The following LCP1 variants were observed in gnomAD, a reference collection of about 807,000 sequenced individuals.
LCP1 encodes lymphocyte cytosolic protein 1.
In LCP1, 23 loss-of-function variants were observed where a neutral mutation model predicts 72.0. The ratio of observed to expected loss-of-function variants is 0.32; its 90% CI spans 0.23 to 0.45. LCP1 has a LOEUF of 0.45. Ranked by LOEUF, LCP1 falls within the 20% of genes least tolerant of loss-of-function variation. LCP1 has a pLI of 1.00. For missense variants in LCP1, 571 were observed against 748.3 expected (o/e 0.76, Z 2.76); for synonymous variants, 245 against 275.4 (o/e 0.89, Z 1.09).
At chr13:46,171,216 TG>T (rs1201043799) in intron 1 of LCP1, among the ~76,000 whole-genome samples, 1 of 152,240 alleles carries the variant, frequency 6.6e-6, no homozygotes, top group East Asian at 1.9e-4. Flanking sequence ...TTGAGGAAAC[TG>T]AGGTTTAAAT....
At chr13:46,133,745 GGGA>G (rs1783395809) in intron 14 of LCP1, among the ~76,000 whole-genome samples, 2 of 151,840 alleles carry the variant, frequency 1.3e-5, no homozygotes, top group South Asian at 2.1e-4. Flanking sequence ...TGGGGAGGGA[GGGA>G]GGAGGACAAG....
rs143934858 is a variant in LCP1, at chr13:46,150,903, CAG to C, written c.882+31_882+32del. 466 of 1,603,388 alleles carry C rather than the reference CAG, an allele frequency of 2.9e-4. No homozygotes were observed. In the African/African-American group the frequency reaches 5.6e-3, roughly 19 times the overall value. On this transcript the variant is annotated intron_variant, in intron 8 of 15. Coordinates refer to ENST00000323076, the MANE Select transcript of LCP1 (RefSeq NM_002298.5). Reference sequence around the variant, plus strand: ...TTGCCCAAATTCCCCTTCACTCCTGCAGAGAGTCATGTTCAAACAACGCTCCT... The same window carrying C: ...TTGCCCAAATTCCCCTTCACTCCTGCAGAGTCATGTTCAAACAACGCTCCT...
At chr13:46,163,183 T>C (rs2045855175) in intron 1 of LCP1, among the ~76,000 whole-genome samples, 2 of 152,256 alleles carry the variant, frequency 1.3e-5, no homozygotes, top group Non-Finnish European at 1.5e-5. Context: ...ATGGCGGTTT[T>C]GTGGAACAGA....
intron 1 of LCP1, among the ~76,000 whole-genome samples, chr13:46,174,182 T>G (rs2045917000): frequency 6.6e-6 from 1 of 152,246 alleles, no homozygotes; most frequent in Non-Finnish European, 1.5e-5. Context: ...TCATTCTCAA[T>G]AGGCTTCTTG....
chr13:46,176,886 T>C (rs1240471153), intron 1 of LCP1, among the ~76,000 whole-genome samples: 1 of 144,910 alleles, frequency 6.9e-6, no homozygotes, highest in African/African-American at 2.4e-5. Context: ...TGTGTGTGTG[T>C]GTGTGTGTGT....
In LCP1 at chr13:46,127,331, T is replaced by A. The variant is rs2138208982; in HGVS notation, c.*260A>T. On this transcript the variant is annotated 3_prime_UTR_variant, in exon 16 of 16. Transcript: ENST00000323076. Reference sequence around the variant, plus strand: ...CGAGAAGGGTACCTGGAAAATAACTTCTTTCTTTTCCTCTAGATTTTCGAA... The same window carrying A: ...CGAGAAGGGTACCTGGAAAATAACTACTTTCTTTTCCTCTAGATTTTCGAA... The A allele has an allele frequency of 2.7e-6, 1 of 372,094 alleles. No homozygotes were observed. Among genetic ancestry groups the A allele is most frequent in the Non-Finnish European group, 4.8e-6 (1 of 207,694 alleles). The allele number at this position is 372,094 out of a possible 1,614,324, so 23.0% of individuals were successfully genotyped here. A position where few individuals can be genotyped will look rare whatever the true frequency, so the allele number is the denominator to read the frequency against.
At chr13:46,168,176 C>T (rs1359927479) in intron 1 of LCP1, among the ~76,000 whole-genome samples, 1 of 152,186 alleles carries the variant, frequency 6.6e-6, no homozygotes. Flanking sequence ...TAACTTTAGG[C>T]TCCATCTTGC....
chr13:46,171,992 G>A (rs996531503), intron 1 of LCP1, among the ~76,000 whole-genome samples: 2 of 152,262 alleles, frequency 1.3e-5, no homozygotes, highest in Non-Finnish European at 1.5e-5. Context: ...CAGGACTTGA[G>A]TATGTATGGA....
intron 1 of LCP1, among the ~76,000 whole-genome samples, chr13:46,160,814 T>C (rs1391642860): frequency 1.3e-5 from 2 of 152,120 alleles, no homozygotes; most frequent in Non-Finnish European, 2.9e-5. Context: ...AGTGGGAGTG[T>C]GGGGGTTGGG....
At chr13:46,131,079 T>A in intron 14 of LCP1, 141 bp from the exon 15 acceptor site, 1 of 826,444 alleles carries the variant, frequency 1.2e-6, no homozygotes, top group Non-Finnish European at 1.7e-6. Context: ...TTCCACATAG[T>A]GTTTCAAATA....
At chr13:46,166,401 C>A (rs920521553) in intron 1 of LCP1, among the ~76,000 whole-genome samples, 2 of 152,144 alleles carry the variant, frequency 1.3e-5, no homozygotes, top group African/African-American at 4.8e-5. Flanking sequence ...ATATAACCTG[C>A]CAGGATCAGG....
At chr13:46,170,730 C>T (rs990052993) in intron 1 of LCP1, among the ~76,000 whole-genome samples, 1 of 152,184 alleles carries the variant, frequency 6.6e-6, no homozygotes, top group South Asian at 2.1e-4. Flanking sequence ...TAAATTTCTT[C>T]CTTCAATAGA....
intron 1 of LCP1, among the ~76,000 whole-genome samples, chr13:46,167,801 G>T (rs566398325): frequency 6.6e-6 from 1 of 152,150 alleles, no homozygotes. Flanking sequence ...GGCTGCTAGG[G>T]GGTTGGTGAG....
chr13:46,137,066 G>C (rs2045669184), intron 13 of LCP1, among the ~76,000 whole-genome samples: 1 of 152,152 alleles, frequency 6.6e-6, no homozygotes, highest in South Asian at 2.1e-4. Context: ...AAATTGTGGA[G>C]GCAGCTTATT....
intron 1 of LCP1, among the ~76,000 whole-genome samples, chr13:46,180,513 A>G (rs1461652786): frequency 6.6e-6 from 1 of 152,226 alleles, no homozygotes; most frequent in Non-Finnish European, 1.5e-5. Flanking sequence ...TGCTACAAAG[A>G]AAAGGGTCTC....
At chr13:46,157,974 G>A (rs1443462996) in intron 4 of LCP1, among the ~76,000 whole-genome samples, 2 of 151,978 alleles carry the variant, frequency 1.3e-5, no homozygotes, top group Non-Finnish European at 2.9e-5. Context: ...TGATCCACCC[G>A]CCTTGGCCTC....
chr13:46,164,906 T>G (rs184018819), intron 1 of LCP1, among the ~76,000 whole-genome samples: 3 of 152,178 alleles, frequency 2.0e-5, no homozygotes, highest in African/African-American at 7.2e-5. Flanking sequence ...CAGGTGCTGA[T>G]GAGCAGAGCA....
rs144158785 is a variant in LCP1 at position 46,158,959 on chromosome 13, T to C, written c.95A>G (p.Asn32Ser). ...DTDGNGYISF[N>S]ELNDLFKAAC... ...AGCCTTGAACAAGTCATTCAACTCA[T>C]TGAAGCTGATGTATCCATTGCCATC... The change falls in exon 3 of 16, where the codon AAT becomes AGT. Residue 32 changes from asparagine (N) to serine (S), a missense_variant. Asn to Ser is a conservative substitution (Grantham distance 46). Transcript: ENST00000323076. 4.3e-6 allele frequency: 7 copies of C among 1,614,032 alleles called. No individual in the cohort carries two copies. Among genetic ancestry groups the C allele is most frequent in the Admixed American group, 3.3e-5 (2 of 60,006 alleles).
At chr13:46,163,609 G>A (rs1390479693) in intron 1 of LCP1, among the ~76,000 whole-genome samples, 10 of 140,308 alleles carry the variant, frequency 7.1e-5, no homozygotes, top group Non-Finnish European at 1.4e-4. Context: ...CCCCCTCTGC[G>A]AGAAACACCC....
Sources: gnomAD v4.1 joint callset for allele counts (sites outside exome capture counted in the v4.1 genomes callset) on GRCh38, gnomAD v4.1.1 for gene constraint, MANE v1.5 for transcripts, NCBI Gene and HGNC (gene_info 2026-07-23, HGNC 2026-07-21) for gene names.